Variants in BAHCC1 observed in about 807,000 individuals in gnomAD.
The protein encoded by BAHCC1 is BAH domain and coiled-coil containing 1.
Under a neutral mutation model 88.2 loss-of-function variants are expected in BAHCC1, and 43 were observed. That is an observed-to-expected ratio of 0.49 (90% CI 0.38 to 0.63). The LOEUF (loss-of-function observed/expected upper bound fraction) is 0.63, where lower values mean the gene tolerates loss of function less well. BAHCC1 is among the 20% of genes least tolerant of loss of function. The pLI, the probability that BAHCC1 is intolerant of heterozygous loss-of-function variation, is 0.00. For synonymous variants in BAHCC1, 1,510 were observed against 745.5 expected, an observed-to-expected ratio of 2.03 and a Z score of -16.71; for missense variants, 3,023 against 1,654.8, an observed-to-expected ratio of 1.83 and a Z score of -14.34.
In BAHCC1 at chr17:81,443,580, A is replaced by G; in HGVS notation, c.2215+16A>G. The G allele has an allele frequency of 1.6e-6, 1 of 624,228 alleles. No homozygotes were observed. Among genetic ancestry groups the G allele is most frequent in the Non-Finnish European group, 2.9e-6 (1 of 345,376 alleles). 38.7% of individuals were successfully genotyped at this position (624,228 alleles called of 1,614,324 possible). A position where few individuals can be genotyped will look rare whatever the true frequency, so the allele number is the denominator to read the frequency against. On this transcript the variant is annotated intron_variant, in intron 5 of 27. Coordinates refer to ENST00000675386, the MANE Select transcript of BAHCC1 (RefSeq NM_001377448.1). ...GCCTTCAAAGGTACAGGCCCTGCAC[A>G]GAGAGGGAGGCAGGCCGGGACAGTC...
intron 14 of BAHCC1, among the ~76,000 whole-genome samples, chr17:81,454,330 C>T (rs1555656653): frequency 6.6e-6 from 1 of 152,174 alleles, no homozygotes; most frequent in Non-Finnish European, 1.5e-5. Flanking sequence ...GCCCCAGCTC[C>T]CAGCCTGGGG....
rs562449124 is a variant in BAHCC1, at chr17:81,460,842, A to G, written c.6203-24A>G. On this transcript the variant is annotated intron_variant, in intron 25 of 27. Transcript: ENST00000675386. ...AGCTTTGTGGGCCCAGCTGGGGCTG[A>G]CTCTGCTGGGCTTTTGCCCTCAGGT... The G allele has an allele frequency of 7.8e-6, 6 of 766,622 alleles. No individual in the cohort carries two copies. The African/African-American group carries it at 8.4e-5, about 11-fold the overall frequency. The allele number at this position is 766,622 out of a possible 1,614,324, so 47.5% of individuals were successfully genotyped here. A position where few individuals can be genotyped will look rare whatever the true frequency, so the allele number is the denominator to read the frequency against.
chr17:81,454,609 C>T (rs1483453317), intron 14 of BAHCC1, among the ~76,000 whole-genome samples: 1 of 150,652 alleles, frequency 6.6e-6, no homozygotes, highest in East Asian at 2.0e-4. Context: ...CGTCCTCTTC[C>T]AGCTGTGGCG....
chr17:81,456,658 G>T, intron 16 of BAHCC1, 73 bp downstream of exon 16: 3 of 647,984 alleles, frequency 4.6e-6, no homozygotes, highest in Non-Finnish European at 8.4e-6. Flanking sequence ...GGAGGGGGCG[G>T]CAGGTTCATG....
At chr17:81,428,691 G>A (rs1287534094) in intron 3 of BAHCC1, among the ~76,000 whole-genome samples, 1 of 152,234 alleles carries the variant, frequency 6.6e-6, no homozygotes, top group Non-Finnish European at 1.5e-5. Context: ...CAGAGGGTGG[G>A]TGTGTGGTGG....
At chr17:81,455,483 G>T in intron 15 of BAHCC1, 93 bp downstream of exon 15, 1 of 654,566 alleles carries the variant, frequency 1.5e-6, no homozygotes. Context: ...GCCCTGTGCC[G>T]AAACCCATTG....
Position 81,457,523 on chromosome 17 carries a change from C to T in BAHCC1, c.4972C>T (p.Pro1658Ser), listed in dbSNP as rs1555657618. 8.0e-6 allele frequency: 6 copies of T among 754,232 alleles called. No individual in the cohort carries two copies. The highest frequency in any genetic ancestry group is 5.0e-5 in the East Asian group (2 of 40,146). 46.7% of individuals were successfully genotyped at this position (754,232 alleles called of 1,614,324 possible). ...GASVAVLGPS[P>S]SSVVKMEANQ... ...CAGTGTGGCCGTGCTGGGGCCCTCA[C>T]CCTCCTCTGTGGTCAAGATGGAGGC... The change falls in exon 17 of 28, where the codon CCC (proline) becomes TCC (serine). Residue 1658 changes from proline to serine, a missense_variant. Transcript: ENST00000675386.
rs199525294 is a variant in BAHCC1, at chr17:81,461,042, G to A, written c.6379G>A (p.Gly2127Ser). ...GVLQNLFQLN[G>S]SSKKLRAREA... ...GCTGCAGAACCTCTTCCAGCTCAACGGCAGCAGCAAGAAGCTGCGGGCCCG... is the reference window on the plus strand; with the variant it reads ...GCTGCAGAACCTCTTCCAGCTCAACAGCAGCAGCAAGAAGCTGCGGGCCCG... The change falls in exon 26 of 28, where the codon GGC becomes AGC. Residue 2127 changes from glycine to serine, a missense_variant. Physicochemically the swap from Gly to Ser is moderately conservative, Grantham distance 56 (BLOSUM62 0). Coordinates refer to ENST00000675386, the MANE Select transcript of BAHCC1 (RefSeq NM_001377448.1). 499 of 772,516 alleles carry A rather than the reference G, an allele frequency of 6.5e-4. 2 individuals are homozygous for A. Among genetic ancestry groups the A allele is most frequent in the Admixed American group, 1.8e-3 (106 of 58,726 alleles). 47.9% of individuals were successfully genotyped at this position (772,516 alleles called of 1,614,324 possible).
intron 3 of BAHCC1, among the ~76,000 whole-genome samples, chr17:81,430,453 T>C (rs2064247843): frequency 1.3e-5 from 2 of 152,100 alleles, no homozygotes; most frequent in Admixed American, 1.3e-4. Context: ...AGCGGCCACT[T>C]CTCACTGGGC....
intron 4 of BAHCC1, among the ~76,000 whole-genome samples, chr17:81,440,833 T>C (rs1401626539): frequency 6.6e-6 from 1 of 152,098 alleles, no homozygotes; most frequent in East Asian, 1.9e-4. Context: ...TTTCAACATA[T>C]TACCCTAGCC....
In BAHCC1 at chr17:81,411,566, T is replaced by TCCTTCCTTCCTC. The variant is rs1567998193; in HGVS notation, c.178+11657_178+11658insCCTCCCTTCCTT. ...TTCCTTCCTTCCTTCCTTCCTTCCT[T>TCCTTCCTTCCTC]CCTTCCTTGAGAGGCCTCTCTACCC... On this transcript the variant is annotated intron_variant, in intron 2 of 27. Transcript: ENST00000675386. The surrounding 1 kb of genome is among the most constrained non-coding windows in gnomAD (Gnocchi z 6.2). 2 of 416,602 alleles carry TCCTTCCTTCCTC rather than the reference T, an allele frequency of 4.8e-6. No homozygotes were observed. The highest frequency in any genetic ancestry group is 4.8e-5 in the African/African-American group (2 of 41,320). The allele number at this position is 416,602 out of a possible 1,614,324, so 25.8% of individuals were successfully genotyped here.
rs78669262 is a variant in BAHCC1 at position 81,439,228 on chromosome 17, G to A, written c.481+736G>A. On this transcript the variant is annotated intron_variant, in intron 4 of 27. Coordinates refer to ENST00000675386, the MANE Select transcript of BAHCC1 (RefSeq NM_001377448.1). ...CAAGTTGGGTTTCCTCTGGTAGGGC[G>A]ACATCTCATTTGCATTTTAAAAAGT... is the stretch of plus-strand genomic sequence containing the variant. Among the ~76,000 whole-genome samples the A allele has an allele frequency of 4.1e-3, 631 of 152,276 alleles. 1 individual carries two copies. Among genetic ancestry groups the A allele is most frequent in the African/African-American group, 0.014 (602 of 41,544 alleles).
chr17:81,412,846 C>T (rs574778284), intron 2 of BAHCC1, among the ~76,000 whole-genome samples: 24 of 152,310 alleles, frequency 1.6e-4, no homozygotes, highest in African/African-American at 5.5e-4. Flanking sequence ...GCTGGGGCCT[C>T]GGACATATCC....
intron 2 of BAHCC1, among the ~76,000 whole-genome samples, chr17:81,426,508 G>T (rs1473029358): frequency 6.6e-6 from 1 of 151,504 alleles, no homozygotes; most frequent in Non-Finnish European, 1.5e-5. Context: ...GGTGGTGGTG[G>T]TGGTGATGTG....
rs1555645781 is a variant in BAHCC1 at position 81,399,964 on chromosome 17, G to A, written c.178+47G>A. 7.8e-7 allele frequency: 1 copy of A among 1,273,928 alleles called. No homozygotes were observed. Among genetic ancestry groups the A allele is most frequent in the African/African-American group, 1.6e-5 (1 of 63,746 alleles). The allele number at this position is 1,273,928 out of a possible 1,614,324, so 78.9% of individuals were successfully genotyped here. A position where few individuals can be genotyped will look rare whatever the true frequency, so the allele number is the denominator to read the frequency against. On this transcript the variant is annotated intron_variant, in intron 2 of 27. Transcript: ENST00000675386. The surrounding 1 kb of genome is among the most constrained non-coding windows in gnomAD (Gnocchi z 4.5). ...GCGCGGGACGGGAGCGTTCGAGAGCGGAACAGGGCGCCCACCCCTCCGCTC... is the reference window on the plus strand; with the variant it reads ...GCGCGGGACGGGAGCGTTCGAGAGCAGAACAGGGCGCCCACCCCTCCGCTC...
chr17:81,455,951 C>A (rs900807394), intron 15 of BAHCC1, among the ~76,000 whole-genome samples: 1 of 152,198 alleles, frequency 6.6e-6, no homozygotes, highest in Non-Finnish European at 1.5e-5. Context: ...CCTGTCTGCC[C>A]AGGGGGCTGA....
chr17:81,410,017 G>A (rs782209832), intron 2 of BAHCC1: 4 of 270,722 alleles, frequency 1.5e-5, no homozygotes, highest in Admixed American at 4.4e-5. Flanking sequence ...GGGATCGGTG[G>A]CCCCTGCTCT....
At chr17:81,398,001 G>A (rs1007802327) in intron 1 of BAHCC1, among the ~76,000 whole-genome samples, 5 of 152,078 alleles carry the variant, frequency 3.3e-5, no homozygotes, top group Non-Finnish European at 5.9e-5. Flanking sequence ...TTTAGAACCC[G>A]GACCATAAAA....
intron 15 of BAHCC1, among the ~76,000 whole-genome samples, chr17:81,455,840 C>T (rs1555657132): frequency 1.3e-5 from 2 of 152,168 alleles, no homozygotes; most frequent in African/African-American, 2.4e-5. Context: ...GCTCTCTCGG[C>T]TGCCGACACC....
Sources: gnomAD v4.1 joint callset for allele counts (sites outside exome capture counted in the v4.1 genomes callset) on GRCh38, gnomAD v4.1.1 for gene constraint, Gnocchi (gnomAD v3.1) non-coding constraint, MANE v1.5 for transcripts, NCBI Gene and HGNC (gene_info 2026-07-23, HGNC 2026-07-21) for gene names.